The following MAP3K15 variants were observed in gnomAD, a reference collection of about 807,000 sequenced individuals.
The protein encoded by MAP3K15 is mitogen-activated protein kinase kinase kinase 15.
MAP3K15 carries 124 observed loss-of-function variants against 99.5 expected under a neutral mutation model. The observed-to-expected ratio is 1.25, with a 90% CI of 1.08 to 1.45. The LOEUF (loss-of-function observed/expected upper bound fraction) is 1.45. MAP3K15 is among the 40% of genes most tolerant of loss of function. The pLI, the probability that MAP3K15 is intolerant of heterozygous loss-of-function variation, is 0.00. For missense variants in MAP3K15, 1,242 were observed against 1,079.7 expected, an observed-to-expected ratio of 1.15 and a Z score of -2.11; for synonymous variants, 494 against 439.6, an observed-to-expected ratio of 1.12 and a Z score of -1.55.
At chrX:19,383,695 A>G (rs952557744) in intron 18 of MAP3K15, among the ~76,000 whole-genome samples, 1 of 112,503 alleles carries the variant, frequency 8.9e-6, no homozygotes, top group South Asian at 3.7e-4. Context: ...CATTTCTCAA[A>G]AGAAGACATT....
chrX:19,447,773 A>G (rs2064009952), intron 6 of MAP3K15, among the ~76,000 whole-genome samples: 1 of 89,957 alleles, frequency 1.1e-5, no homozygotes, highest in Non-Finnish European at 2.2e-5. Context: ...AGTCCCAGCT[A>G]CTTGGGAGGC....
chrX:19,396,757 C>T (rs1042897154), intron 15 of MAP3K15, among the ~76,000 whole-genome samples: 5 of 111,533 alleles, frequency 4.5e-5, no homozygotes, highest in African/African-American at 1.6e-4. Flanking sequence ...CTTCAGCACT[C>T]GACACTGAAG....
chrX:19,488,692 T>C (rs2064346314), intron 2 of MAP3K15, 136 bp downstream of exon 2: 3 of 583,511 alleles, frequency 5.1e-6, no homozygotes, highest in Middle Eastern at 5.8e-4. Flanking sequence ...AACTAGAATC[T>C]GTGGTGGGAA....
At chrX:19,394,054 G>A (rs1002112742) in intron 16 of MAP3K15, among the ~76,000 whole-genome samples, 1 of 108,104 alleles carries the variant, frequency 9.3e-6, no homozygotes, top group Non-Finnish European at 1.9e-5. Flanking sequence ...GATTACAGGC[G>A]TGACCACTGT....
At chrX:19,499,702 T>C (rs1188245871) in intron 1 of MAP3K15, among the ~76,000 whole-genome samples, 1 of 112,053 alleles carries the variant, frequency 8.9e-6, no homozygotes, top group Non-Finnish European at 1.9e-5. Flanking sequence ...ATACATATTG[T>C]ATGAGACCAT....
At chrX:19,380,809 C>T (rs1290051124) in intron 18 of MAP3K15, among the ~76,000 whole-genome samples, 1 of 113,128 alleles carries the variant, frequency 8.8e-6, no homozygotes, top group Non-Finnish European at 1.9e-5. Flanking sequence ...GCGTGAGCCA[C>T]TGCTCCTGGC....
chrX:19,392,410 T>TA lies in MAP3K15; in HGVS notation c.2257dup (p.Tyr753LeufsTer10), dbSNP rs2063534233. The TA allele has an allele frequency of 8.3e-7, 1 of 1,210,747 alleles. No homozygotes were observed. Among genetic ancestry groups the TA allele is most frequent in the Non-Finnish European group, 1.1e-6 (1 of 894,584 alleles). ...AAGGCCCTCCAGGATCTGTTTGGTG[T>TA]AAAACTTGATTGTCGGTTCCTTCAT... On this transcript the variant is annotated frameshift_variant, in exon 17 of 29. Transcript: ENST00000338883. LOFTEE classifies it high-confidence loss of function.
At position 19,459,195 on chromosome X, in the gene MAP3K15, G is replaced by A. The variant is rs183178898; in HGVS notation, c.888+790C>T. Among the ~76,000 whole-genome samples the A allele has an allele frequency of 1.9e-3, 217 of 111,881 alleles. 2 individuals are homozygous for A. The highest frequency in any genetic ancestry group is 6.4e-3 in the African/African-American group (198 of 30,879). On this transcript the variant is annotated intron_variant, in intron 5 of 28. Coordinates refer to ENST00000338883, the MANE Select transcript of MAP3K15 (RefSeq NM_001001671.4). ...TAGGAACAAGGACAACGGAGCATCAGTCTCAGTCTGAATCCTGACCTAACC... is the reference window on the plus strand; with the variant it reads ...TAGGAACAAGGACAACGGAGCATCAATCTCAGTCTGAATCCTGACCTAACC...
At position 19,395,111 on chromosome X, in the gene MAP3K15, T is replaced by C. The variant is rs772968513; in HGVS notation, c.2164A>G (p.Ile722Val). The change falls in exon 16 of 29, where the codon ATT becomes GTT. Residue 722 changes from isoleucine (I) to valine (V), a missense_variant. Ile to Val is a conservative substitution (Grantham distance 29, BLOSUM62 3). Coordinates refer to ENST00000338883, the MANE Select transcript of MAP3K15 (RefSeq NM_001001671.4). ...GGCACCTGCTCCATAAATATCTTAA[T>C]GTAGCCGTTCTCTGAAACAGAGCCC... Reference protein sequence around the residue: ...YLGSVSENGYIKIFMEQVPGG... With the variant: ...YLGSVSENGYVKIFMEQVPGG... 3.3e-6 allele frequency: 4 copies of C among 1,206,586 alleles called. No individual in the cohort carries two copies. In the African/African-American group the frequency reaches 5.3e-5, roughly 16 times the overall value.
intron 18 of MAP3K15, among the ~76,000 whole-genome samples, chrX:19,383,039 G>GCCCCAGTCTCCCGCTGTGTGTCAC (rs2063470191): frequency 9.0e-6 from 1 of 111,063 alleles, no homozygotes; most frequent in Admixed American, 9.6e-5. Context: ...CCCTCAGTCG[G>GCCCCAGTCTCCCGCTGTGTGTCAC]CCCCAGTCTC....
rs577160862 is a variant in MAP3K15, at chrX:19,429,621, G to C, written c.1166+1817C>G. On this transcript the variant is annotated intron_variant, in intron 7 of 28. Coordinates refer to ENST00000338883, the MANE Select transcript of MAP3K15 (RefSeq NM_001001671.4). ...AACAGGTGGACAAAGGGGGGGAGGTGTAAGGCCATCACTTAGGATGTTGGG... is the reference window on the plus strand; with the variant it reads ...AACAGGTGGACAAAGGGGGGGAGGTCTAAGGCCATCACTTAGGATGTTGGG... 7.3e-5 allele frequency among the ~76,000 whole-genome samples: 8 copies of C among 109,609 alleles called. No homozygotes were observed. The South Asian group carries it at 3.2e-3, about 44-fold the overall frequency.
At chrX:19,371,223 G>T in intron 23 of MAP3K15, 122 bp downstream of exon 23, 1 of 859,304 alleles carries the variant, frequency 1.2e-6, no homozygotes, top group Non-Finnish European at 1.6e-6. Context: ...CATTGTTTAG[G>T]AGGAGCTGCT....
chrX:19,360,924 TAAA>T (rs1326762125), intron 28 of MAP3K15, 91 bp from the exon 29 acceptor site: 1 of 674,273 alleles, frequency 1.5e-6, no homozygotes, highest in African/African-American at 2.2e-5. Context: ...CTAATGAAAA[TAAA>T]AACATTCTCC....
At position 19,425,572 on chromosome X, in the gene MAP3K15, G is replaced by C. The variant is rs1265243864; in HGVS notation, c.1398C>G (p.Val466=). The change falls in exon 9 of 29, where the codon GTC becomes GTG. Residue 466 remains valine, a synonymous_variant. Transcript: ENST00000338883. ...GTTTGAACAACCTCTCTGCTGCCTG[G>C]ACGGCTTTCCCGACATCATGGGCCA... The part of the protein sequence containing the change: ...SMLAHDVGKA[V]QAAERLFKLK... The C allele has an allele frequency of 1.7e-6, 2 of 1,199,055 alleles. No homozygotes were observed. Among genetic ancestry groups the C allele is most frequent in the African/African-American group, 1.7e-5 (1 of 57,821 alleles).
intron 25 of MAP3K15, among the ~76,000 whole-genome samples, chrX:19,365,932 G>A (rs909977475): frequency 4.7e-5 from 5 of 105,607 alleles, no homozygotes; most frequent in Non-Finnish European, 7.8e-5. Flanking sequence ...GCTTGAACCC[G>A]GGAGGTGAAG....
At chrX:19,395,543 C>CCCTCT in intron 15 of MAP3K15, among the ~76,000 whole-genome samples, 1 of 109,639 alleles carries the variant, frequency 9.1e-6, no homozygotes, top group Admixed American at 9.6e-5. Context: ...TCTCAACAGC[C>CCCTCT]CCTCTTCCTC....
rs370633600 is a variant in MAP3K15 at position 19,372,795 on chromosome X, C to T, written c.2966G>A (p.Arg989Gln). The part of the protein sequence containing the change: ...VPDESSALED[R>Q]GLASSPEDRD... ...GTCCTCCGGGGACGAGGCCAAGCCC[C>T]GGTCTTCCAAGGCTGAGCTCTCGTC... The change falls in exon 22 of 29, where the codon CGG (arginine) becomes CAG (glutamine). Residue 989 changes from arginine to glutamine, a missense_variant. Coordinates refer to ENST00000338883, the MANE Select transcript of MAP3K15 (RefSeq NM_001001671.4). The T allele has an allele frequency of 2.3e-5, 28 of 1,208,947 alleles. No homozygotes were observed. Among genetic ancestry groups the T allele is most frequent in the African/African-American group, 1.7e-4 (10 of 57,165 alleles).
chrX:19,473,898 C>A (rs1481890279), intron 3 of MAP3K15, among the ~76,000 whole-genome samples: 2 of 111,947 alleles, frequency 1.8e-5, no homozygotes, highest in Non-Finnish European at 3.8e-5. Context: ...TAAATGCCTG[C>A]CTAATACACC....
chrX:19,399,520 C>T (rs2063592030), intron 14 of MAP3K15, among the ~76,000 whole-genome samples: 1 of 108,085 alleles, frequency 9.3e-6, no homozygotes, highest in Non-Finnish European at 1.9e-5. Flanking sequence ...GCCAAGATCA[C>T]GCCACTGCAC....
Sources: gnomAD v4.1 joint callset for allele counts (sites outside exome capture counted in the v4.1 genomes callset) on GRCh38, gnomAD v4.1.1 for gene constraint, MANE v1.5 for transcripts, NCBI Gene and HGNC (gene_info 2026-07-23, HGNC 2026-07-21) for gene names.